Variants in MYOM2 observed in about 807,000 individuals in gnomAD.
The protein encoded by MYOM2 is myomesin 2.
Under a neutral mutation model 187.6 loss-of-function variants are expected in MYOM2, and 254 were observed. The observed-to-expected ratio is 1.35, with a 90% CI of 1.22 to 1.50. MYOM2 has a LOEUF of 1.50. Among genes scored for constraint, MYOM2 ranks in the 40% most tolerant of loss-of-function variants. The pLI, the probability that MYOM2 is intolerant of heterozygous loss-of-function variation, is 0.00. For synonymous variants in MYOM2, 981 were observed against 753.8 expected (o/e 1.30, Z -4.94); for missense variants, 2,796 against 1,924.0 (o/e 1.45, Z -8.48).
chr8:2,119,712 T>C (rs970204854), intron 28 of MYOM2, among the ~76,000 whole-genome samples: 1 of 151,994 alleles, frequency 6.6e-6, no homozygotes, highest in African/African-American at 2.4e-5. Flanking sequence ...CTCAATCCTA[T>C]TTATAGGCAG....
intron 10 of MYOM2, among the ~76,000 whole-genome samples, chr8:2,073,766 T>C (rs1282937093): frequency 6.6e-6 from 1 of 152,194 alleles, no homozygotes; most frequent in Non-Finnish European, 1.5e-5. Flanking sequence ...CATATAGTCA[T>C]TAGCATTTGA....
At chr8:2,136,599 G>C (rs983888928) in intron 32 of MYOM2, among the ~76,000 whole-genome samples, 73 of 152,038 alleles carry the variant, frequency 4.8e-4, no homozygotes, top group Non-Finnish European at 6.3e-4. Context: ...GCCTAGGGCC[G>C]TCAGCATGAG....
chr8:2,056,810 C>T (rs1173548506), intron 3 of MYOM2, among the ~76,000 whole-genome samples: 1 of 152,184 alleles, frequency 6.6e-6, no homozygotes, highest in Non-Finnish European at 1.5e-5. Context: ...TTTTGAGTCT[C>T]AGACCTGGGA....
intron 6 of MYOM2, among the ~76,000 whole-genome samples, chr8:2,065,650 C>T (rs1270106345): frequency 6.6e-6 from 1 of 152,258 alleles, no homozygotes; most frequent in East Asian, 1.9e-4. Context: ...TCTTCTTATT[C>T]TCTATTCTTC....
At chr8:2,140,964 A>C in intron 33 of MYOM2, 78 bp downstream of exon 33, 1 of 1,435,810 alleles carries the variant, frequency 7.0e-7, no homozygotes, top group Non-Finnish European at 9.4e-7. Flanking sequence ...GGAATACAAT[A>C]TGAATACAAG....
intron 25 of MYOM2, among the ~76,000 whole-genome samples, chr8:2,115,735 G>T (rs889748303): frequency 2.0e-5 from 3 of 152,172 alleles, no homozygotes; most frequent in Non-Finnish European, 4.4e-5. Context: ...CCCTGGTTTG[G>T]ACTCTCAGAT....
intron 23 of MYOM2, among the ~76,000 whole-genome samples, chr8:2,107,756 C>T (rs1236945157): frequency 1.3e-5 from 2 of 152,192 alleles, no homozygotes; most frequent in Admixed American, 1.3e-4. Context: ...TTTAAAGCAG[C>T]CTCTGTTGGC....
At chr8:2,071,857 A>C (rs893403870) in intron 8 of MYOM2, among the ~76,000 whole-genome samples, 1 of 152,120 alleles carries the variant, frequency 6.6e-6, no homozygotes, top group Non-Finnish European at 1.5e-5. Flanking sequence ...CTCACGTGGA[A>C]GGAAGGAAGG....
At chr8:2,136,355 G>GAA (rs1798070632) in intron 32 of MYOM2, among the ~76,000 whole-genome samples, 1 of 117,078 alleles carries the variant, frequency 8.5e-6, no homozygotes, top group African/African-American at 4.6e-5. Context: ...CAGCTGTGAC[G>GAA]GAGGTGGGGC....
Position 2,090,899 on chromosome 8 carries a change from G to C in MYOM2, c.1828+708G>C, listed in dbSNP as rs1483994674. 2.6e-5 allele frequency among the ~76,000 whole-genome samples: 4 copies of C among 151,984 alleles called. No individual in the cohort carries two copies. In the East Asian group the frequency reaches 7.7e-4, roughly 29 times the overall value. The stretch of plus-strand genomic sequence containing the variant: ...GCATTTGGGTTGATTCCATGTCTTG[G>C]CTATTGTGTGAATAGTGCTGCAATG... On this transcript the variant is annotated intron_variant, in intron 15 of 36. Coordinates refer to ENST00000262113, the MANE Select transcript of MYOM2 (RefSeq NM_003970.4).
At chr8:2,115,000 T>A (rs1004887724) in intron 25 of MYOM2, among the ~76,000 whole-genome samples, 1 of 152,042 alleles carries the variant, frequency 6.6e-6, no homozygotes, top group African/African-American at 2.4e-5. Flanking sequence ...TTGAAACAGT[T>A]CTAAAAATTA....
chr8:2,086,901 C>T (rs1161622578), intron 14 of MYOM2, among the ~76,000 whole-genome samples: 1 of 152,114 alleles, frequency 6.6e-6, no homozygotes, highest in East Asian at 1.9e-4. Context: ...ACACAAGACG[C>T]AGAAGGGTTA....
chr8:2,123,480 TG>T (rs1797528471), intron 29 of MYOM2, 74 bp from the exon 30 acceptor site: 1 of 1,473,802 alleles, frequency 6.8e-7, no homozygotes, highest in South Asian at 1.2e-5. Context: ...GCAAAGAAAA[TG>T]TATTAGAGTT....
In MYOM2 at chr8:2,079,406, A is replaced by C. The variant is rs922189757; in HGVS notation, c.1463-154A>C. Among the ~76,000 whole-genome samples, 22 of 151,878 alleles carry C rather than the reference A, an allele frequency of 1.4e-4. 1 individual carries two copies. The highest frequency in any genetic ancestry group is 5.1e-4 in the African/African-American group (21 of 41,316). Reference sequence around the variant, plus strand: ...GAGCTGAGAAGTGCTAACTGTTACCAGGACACTTCCAGAATCAGCTCTGAT... The same window carrying C: ...GAGCTGAGAAGTGCTAACTGTTACCCGGACACTTCCAGAATCAGCTCTGAT... On this transcript the variant is annotated intron_variant, in intron 12 of 36. Transcript: ENST00000262113.
chr8:2,141,367 A>G (rs932944736), intron 34 of MYOM2, among the ~76,000 whole-genome samples, 190 bp downstream of exon 34: 3 of 152,252 alleles, frequency 2.0e-5, no homozygotes, highest in Admixed American at 6.5e-5. Context: ...AAATGCATTT[A>G]TAAACGGACT....
intron 6 of MYOM2, 99 bp downstream of exon 6, chr8:2,059,344 C>G: frequency 2.0e-6 from 2 of 1,005,340 alleles, no homozygotes; most frequent in Non-Finnish European, 3.0e-6. Context: ...CAAATCACAC[C>G]TGTCTGTTTG....
intron 23 of MYOM2, 110 bp downstream of exon 23, chr8:2,106,707 G>C: frequency 1.3e-6 from 1 of 785,036 alleles, no homozygotes; most frequent in Non-Finnish European, 2.0e-6. Context: ...TATGTTTGCA[G>C]GAGGCTGGCG....
rs796434346 is a variant in MYOM2 at position 2,126,924 on chromosome 8, CAGAT to C, written c.3695-2199_3695-2196del. 1.9e-4 allele frequency among the ~76,000 whole-genome samples: 24 copies of C among 125,282 alleles called. 1 individual carries two copies. Among genetic ancestry groups the C allele is most frequent in the South Asian group, 1.0e-3 (4 of 3,894 alleles). The allele number at this position is 125,282 out of a possible 152,430, so 82.2% of individuals were successfully genotyped here. A position where few individuals can be genotyped will look rare whatever the true frequency, so the allele number is the denominator to read the frequency against. ...GAGGCTGGGGGAGCACTGGGGGAGGCAGATAGAGGCTGGAGGAGCACTGGGGGAG... is the reference window on the plus strand; with the variant it reads ...GAGGCTGGGGGAGCACTGGGGGAGGCAGAGGCTGGAGGAGCACTGGGGGAG... On this transcript the variant is annotated intron_variant, in intron 31 of 36. Coordinates refer to ENST00000262113, the MANE Select transcript of MYOM2 (RefSeq NM_003970.4).
At chr8:2,104,561 C>T (rs898090373) in intron 21 of MYOM2, among the ~76,000 whole-genome samples, 4 of 151,138 alleles carry the variant, frequency 2.6e-5, no homozygotes, top group Non-Finnish European at 5.9e-5. Context: ...GCCGAGATCG[C>T]GCCACTGCAC....
Sources: allele counts gnomAD v4.1 joint callset (sites outside exome capture counted in the v4.1 genomes callset), GRCh38; gene constraint gnomAD v4.1.1; transcripts MANE v1.5; gene names NCBI Gene and HGNC (gene_info 2026-07-23, HGNC 2026-07-21).